The following PDGFC variants were observed in gnomAD, a reference collection of about 807,000 sequenced individuals.
PDGFC encodes the protein platelet-derived growth factor C.
Under a neutral mutation model 35.5 loss-of-function variants are expected in PDGFC, and 12 were observed. The observed-to-expected ratio is 0.34, with a 90% confidence interval of 0.22 to 0.55. PDGFC has a LOEUF of 0.55. Ranked by LOEUF, PDGFC falls within the 20% of genes least tolerant of loss-of-function variation. The pLI, the probability that PDGFC is intolerant of heterozygous loss-of-function variation, is 0.91. For synonymous variants in PDGFC, 159 were observed against 148.8 expected (o/e 1.07, Z -0.50); for missense variants, 322 against 412.4 (o/e 0.78, Z 1.90).
At chr4:156,824,351 T>TAC (rs1732379099) in intron 2 of PDGFC, among the ~76,000 whole-genome samples, 1 of 98,368 alleles carries the variant, frequency 1.0e-5, no homozygotes, top group Non-Finnish European at 1.9e-5. Context: ...CACACACACA[T>TAC]ATACACACAT....
rs575314049 is a variant in PDGFC, at chr4:156,949,815, T to C, written c.118+20971A>G. Among the ~76,000 whole-genome samples the C allele has an allele frequency of 1.1e-4, 17 of 152,020 alleles. No individual in the cohort carries two copies. In the South Asian group the frequency reaches 3.5e-3, roughly 31 times the overall value. On this transcript the variant is annotated intron_variant, in intron 1 of 5. Coordinates refer to ENST00000502773, the MANE Select transcript of PDGFC (RefSeq NM_016205.3). ...CAGAACTGTTTCCCCTTCCCCTACG[T>C]CCCCTTGAGGACATACCTGAGATGA... is the stretch of plus-strand genomic sequence containing the variant.
At position 156,805,475 on chromosome 4, in the gene PDGFC, A is replaced by T. The variant is rs1444991155; in HGVS notation, c.495+5362T>A. ...TTTAACAATAGGGGAATGCAATGCA[A>T]TAAGTTATGAAAATTTAACATTTTA... On this transcript the variant is annotated intron_variant, in intron 3 of 5. Transcript: ENST00000502773. Among the ~76,000 whole-genome samples, 3 of 152,102 alleles carry T rather than the reference A, an allele frequency of 2.0e-5. 1 individual carries two copies. In the South Asian group the frequency reaches 6.2e-4, roughly 32 times the overall value.
intron 1 of PDGFC, among the ~76,000 whole-genome samples, chr4:156,878,164 T>G (rs549260772): frequency 2.0e-5 from 3 of 152,204 alleles, no homozygotes; most frequent in African/African-American, 7.2e-5. Flanking sequence ...ATTTGGGAAA[T>G]TAGTAAATAG....
At chr4:156,845,348 C>T (rs1729301139) in intron 2 of PDGFC, among the ~76,000 whole-genome samples, 1 of 151,374 alleles carries the variant, frequency 6.6e-6, no homozygotes, top group Non-Finnish European at 1.5e-5. Context: ...CAGAAGAGAA[C>T]AAAGGACATA....
intron 1 of PDGFC, among the ~76,000 whole-genome samples, chr4:156,875,640 G>A (rs575044488): frequency 3.1e-4 from 47 of 152,220 alleles, no homozygotes; most frequent in African/African-American, 9.4e-4. Flanking sequence ...ATTTAAGGCC[G>A]GGCGCAGTGG....
At chr4:156,891,229 G>A (rs551632993) in intron 1 of PDGFC, among the ~76,000 whole-genome samples, 242 of 138,986 alleles carry the variant, frequency 1.7e-3, no homozygotes, top group African/African-American at 5.9e-3. Flanking sequence ...GCAGTGAGCC[G>A]AGATCCCGCC....
At chr4:156,926,415 C>A (rs887034569) in intron 1 of PDGFC, among the ~76,000 whole-genome samples, 6 of 152,114 alleles carry the variant, frequency 3.9e-5, no homozygotes, top group African/African-American at 1.4e-4. Context: ...GGGTCCCTGG[C>A]AAGGGCTCCA....
intron 1 of PDGFC, among the ~76,000 whole-genome samples, chr4:156,959,250 A>G (rs183172557): frequency 2.2e-3 from 339 of 152,126 alleles, no homozygotes; most frequent in African/African-American, 7.9e-3. Context: ...CCACGCACTA[A>G]ACGAAAACAA....
rs769248840 is a variant in PDGFC at position 156,959,212 on chromosome 4, T to C, written c.118+11574A>G. Among the ~76,000 whole-genome samples the C allele has an allele frequency of 5.3e-5, 8 of 152,086 alleles. No homozygotes were observed. In the East Asian group the frequency reaches 5.8e-4, roughly 11 times the overall value. On this transcript the variant is annotated intron_variant, in intron 1 of 5. Coordinates refer to ENST00000502773, the MANE Select transcript of PDGFC (RefSeq NM_016205.3). ...CAGAATTTTAGGTATGCTTTCCAAG[T>C]GCAATACAAAATAGCAATAATGGAT...
At chr4:156,845,310 A>T (rs1200712177) in intron 2 of PDGFC, among the ~76,000 whole-genome samples, 1 of 151,836 alleles carries the variant, frequency 6.6e-6, no homozygotes, top group Non-Finnish European at 1.5e-5. Context: ...ATAACATTCA[A>T]CTTCAGAAGT....
intron 1 of PDGFC, among the ~76,000 whole-genome samples, chr4:156,882,007 T>A (rs79117813): frequency 0.061 from 9,326 of 152,058 alleles, 382 homozygotes; most frequent in Middle Eastern, 0.11. Context: ...TTCAGGTATG[T>A]CTTTATCAGC....
intron 1 of PDGFC, among the ~76,000 whole-genome samples, chr4:156,928,649 C>T (rs1161171469): frequency 6.6e-6 from 1 of 152,200 alleles, no homozygotes; most frequent in Non-Finnish European, 1.5e-5. Context: ...CTATACTTGT[C>T]TCCAGAAATC....
At chr4:156,873,115 C>T (rs960605737) in intron 1 of PDGFC, among the ~76,000 whole-genome samples, 2 of 152,076 alleles carry the variant, frequency 1.3e-5, no homozygotes, top group African/African-American at 4.8e-5. Context: ...AGAGAAAGAC[C>T]CTGTCTCAAA....
intron 1 of PDGFC, among the ~76,000 whole-genome samples, chr4:156,969,361 CT>C (rs1382734130): frequency 6.6e-6 from 1 of 152,210 alleles, no homozygotes; most frequent in Admixed American, 6.5e-5. Flanking sequence ...CTAGGCTGCC[CT>C]TTGATCAGCA....
At chr4:156,826,174 ATTTTTTTTTTTTTTTTTT>A (rs59421806) in intron 2 of PDGFC, among the ~76,000 whole-genome samples, 1,333 of 43,872 alleles carry the variant, frequency 0.03, 54 homozygotes, top group East Asian at 0.14. Context: ...TTTGAGTTGG[ATTTTTTTTTTTTTTTTTT>A]TTTTTTTTTT....
At chr4:156,960,674 C>T (rs1732322721) in intron 1 of PDGFC, among the ~76,000 whole-genome samples, 1 of 152,050 alleles carries the variant, frequency 6.6e-6, no homozygotes, top group East Asian at 2.0e-4. Flanking sequence ...TAGGACACCC[C>T]ATCTCAGGCT....
intron 2 of PDGFC, among the ~76,000 whole-genome samples, chr4:156,811,901 C>A (rs933765751): frequency 6.6e-6 from 1 of 151,994 alleles, no homozygotes; most frequent in Non-Finnish European, 1.5e-5. Context: ...GAATGCCCAA[C>A]AATGGAAAGT....
chr4:156,903,468 CATATTACAA>C (rs1204825647), intron 1 of PDGFC, among the ~76,000 whole-genome samples: 5 of 151,890 alleles, frequency 3.3e-5, no homozygotes, highest in Non-Finnish European at 7.4e-5. Context: ...CCCATCTAGA[CATATTACAA>C]ATATTACACA....
In PDGFC at chr4:156,948,313, A is replaced by G. The variant is rs147248918; in HGVS notation, c.118+22473T>C. 1.6e-4 allele frequency among the ~76,000 whole-genome samples: 25 copies of G among 152,040 alleles called. 1 individual carries two copies. In the East Asian group the frequency reaches 4.7e-3, roughly 28 times the overall value. On this transcript the variant is annotated intron_variant, in intron 1 of 5. Coordinates refer to ENST00000502773, the MANE Select transcript of PDGFC (RefSeq NM_016205.3). ...CAGACAAAACTCTTAGGTCTTGTGA[A>G]AACAACATTTCTTATAAACTGCCAA...
Sources: allele counts gnomAD v4.1 joint callset (sites outside exome capture counted in the v4.1 genomes callset), GRCh38; gene constraint gnomAD v4.1.1; transcripts MANE v1.5; gene names NCBI Gene and HGNC (gene_info 2026-07-23, HGNC 2026-07-21).